SEMA6D: variants seen among roughly 807,000 people sequenced by gnomAD.
The protein encoded by SEMA6D is semaphorin-6D.
In SEMA6D, 35 loss-of-function variants were observed where a neutral mutation model predicts 106.6. That is an observed-to-expected ratio of 0.33 (90% CI 0.25 to 0.44). The LOEUF (loss-of-function observed/expected upper bound fraction) is 0.44, where lower values mean the gene tolerates loss of function less well. Among genes scored for constraint, SEMA6D ranks in the 20% least tolerant of loss-of-function variants. The pLI is 1.00. For missense variants in SEMA6D, 1,185 were observed against 1,345.9 expected, an observed-to-expected ratio of 0.88 and a Z score of 1.87; for synonymous variants, 499 against 487.7, an observed-to-expected ratio of 1.02 and a Z score of -0.31.
intron 2 of SEMA6D, among the ~76,000 whole-genome samples, chr15:47,444,325 G>A (rs1391727139): frequency 6.6e-6 from 1 of 152,080 alleles, no homozygotes; most frequent in African/African-American, 2.4e-5. Flanking sequence ...AGCTAAAATG[G>A]GCAAGGATGA....
At chr15:47,564,622 T>C (rs2046175619) in intron 3 of SEMA6D, among the ~76,000 whole-genome samples, 1 of 152,176 alleles carries the variant, frequency 6.6e-6, no homozygotes, top group Non-Finnish European at 1.5e-5. Flanking sequence ...TACAGGATGC[T>C]AGCCTAGATA....
intron 1 of SEMA6D, among the ~76,000 whole-genome samples, chr15:47,747,925 AGGAT>A (rs1175463867): frequency 6.6e-6 from 1 of 152,252 alleles, no homozygotes; most frequent in Non-Finnish European, 1.5e-5. Flanking sequence ...AGAGTCACAT[AGGAT>A]TCTTCTCTGC....
intron 1 of SEMA6D, among the ~76,000 whole-genome samples, chr15:47,367,207 G>A (rs904841249): frequency 6.6e-6 from 1 of 152,120 alleles, no homozygotes; most frequent in African/African-American, 2.4e-5. Context: ...ATCTTCCTAC[G>A]CTTCTGCTTC....
At chr15:47,615,653 A>G (rs1044898193) in intron 4 of SEMA6D, among the ~76,000 whole-genome samples, 3 of 152,232 alleles carry the variant, frequency 2.0e-5, no homozygotes, top group African/African-American at 7.2e-5. Flanking sequence ...AATGTATTTG[A>G]ATAGTTGGCT....
chr15:47,247,441 A>C (rs139100110), intron 1 of SEMA6D, among the ~76,000 whole-genome samples: 35 of 152,236 alleles, frequency 2.3e-4, no homozygotes, highest in African/African-American at 7.2e-4. Flanking sequence ...GAAAAAAAAA[A>C]CTGTCATCCA....
intron 3 of SEMA6D, among the ~76,000 whole-genome samples, chr15:47,571,819 C>T (rs1019639921): frequency 4.6e-5 from 7 of 152,084 alleles, no homozygotes; most frequent in Admixed American, 2.0e-4. Context: ...TTTGGCTATA[C>T]ATGTGTGTGT....
intron 17 of SEMA6D, chr15:47,767,445 A>G (rs775846049): frequency 3.3e-5 from 6 of 179,494 alleles, no homozygotes; most frequent in Non-Finnish European, 6.9e-5. Context: ...GCGGAATTTC[A>G]TTATTTTCCC....
rs2082051470 is a variant in SEMA6D, at chr15:47,761,354, G to A, written c.370G>A (p.Val124Ile). The A allele has an allele frequency of 1.2e-6, 2 of 1,613,150 alleles. No individual in the cohort carries two copies. The highest frequency in any genetic ancestry group is 1.7e-6 in the Non-Finnish European group (2 of 1,179,608). The part of the protein sequence containing the change: ...HKDECHNFIK[V>I]FVPRNDEMVF... ...GGATGAATGCCACAACTTTATCAAAGTATTTGTTCCAAGAAACGATGAGAT... is the reference window on the plus strand; with the variant it reads ...GGATGAATGCCACAACTTTATCAAAATATTTGTTCCAAGAAACGATGAGAT... Residue 124 changes from valine (V) to isoleucine (I), a missense_variant, in exon 6 of 19, where the codon GTA becomes ATA. Physicochemically the swap from Val to Ile is conservative, Grantham distance 29 (BLOSUM62 3). This residue lies in a region of SEMA6D where 291 missense variants were observed against 423.8 expected (regional missense o/e 0.69). Coordinates refer to ENST00000536845, the MANE Select transcript of SEMA6D (RefSeq NM_001358351.3).
At chr15:47,191,915 G>A (rs1595718630) in intron 1 of SEMA6D, among the ~76,000 whole-genome samples, 1 of 152,170 alleles carries the variant, frequency 6.6e-6, no homozygotes, top group East Asian at 1.9e-4. Flanking sequence ...AGAAAGTCGA[G>A]CAGGAAGTAT....
intron 3 of SEMA6D, among the ~76,000 whole-genome samples, chr15:47,509,167 TAC>T (rs1310204702): frequency 6.6e-6 from 1 of 152,208 alleles, no homozygotes; most frequent in Admixed American, 6.5e-5. Flanking sequence ...ACTTCAGGGC[TAC>T]AGTCTCCTTC....
At chr15:47,678,780 T>C (rs117746900) in intron 4 of SEMA6D, among the ~76,000 whole-genome samples, 1 of 152,146 alleles carries the variant, frequency 6.6e-6, no homozygotes, top group Admixed American at 6.5e-5. Context: ...TTTATATGTA[T>C]GTATTTGTGT....
chr15:47,425,494 G>A (rs1275415555), intron 2 of SEMA6D, among the ~76,000 whole-genome samples: 1 of 151,972 alleles, frequency 6.6e-6, no homozygotes, highest in African/African-American at 2.4e-5. Context: ...ATCCATGTTG[G>A]CCTACAAGGC....
chr15:47,648,246 C>G (rs569861102), intron 4 of SEMA6D, among the ~76,000 whole-genome samples: 1 of 152,276 alleles, frequency 6.6e-6, no homozygotes, highest in South Asian at 2.1e-4. Context: ...CACATTCTCT[C>G]CATGTCTGCA....
intron 1 of SEMA6D, among the ~76,000 whole-genome samples, chr15:47,403,143 A>G (rs1313924668): frequency 2.0e-5 from 3 of 152,206 alleles, no homozygotes; most frequent in Admixed American, 2.0e-4. Flanking sequence ...AAGTGACAAG[A>G]TGCTTTTAAC....
intron 1 of SEMA6D, among the ~76,000 whole-genome samples, chr15:47,743,284 T>C (rs756404935): frequency 3.3e-5 from 5 of 152,242 alleles, no homozygotes; most frequent in Non-Finnish European, 7.3e-5. Context: ...TAATTTAATA[T>C]GTTGGTGCGT....
chr15:47,591,321 C>G (rs2076434494), intron 3 of SEMA6D, among the ~76,000 whole-genome samples: 1 of 152,126 alleles, frequency 6.6e-6, no homozygotes, highest in African/African-American at 2.4e-5. Context: ...GGATTCAGTT[C>G]CAACATTAAA....
chr15:47,486,854 G>A (rs966073741), intron 3 of SEMA6D, among the ~76,000 whole-genome samples: 2 of 152,124 alleles, frequency 1.3e-5, no homozygotes, highest in African/African-American at 4.8e-5. Flanking sequence ...CCCCATACAT[G>A]CTTACCACCT....
At chr15:47,576,357 A>G (rs2076156730) in intron 3 of SEMA6D, among the ~76,000 whole-genome samples, 1 of 152,192 alleles carries the variant, frequency 6.6e-6, no homozygotes, top group Non-Finnish European at 1.5e-5. Context: ...AGTGGGGGCT[A>G]GAGCAGGATC....
intron 1 of SEMA6D, among the ~76,000 whole-genome samples, chr15:47,249,079 T>G (rs2033361727): frequency 6.6e-6 from 1 of 152,018 alleles, no homozygotes; most frequent in African/African-American, 2.4e-5. Flanking sequence ...AATACAAACA[T>G]TAGCCGGCCA....
Sources: allele counts gnomAD v4.1 joint callset (sites outside exome capture counted in the v4.1 genomes callset), GRCh38; gene constraint gnomAD v4.1.1; regional missense constraint gnomAD v4.1.1; transcripts MANE v1.5; gene names NCBI Gene and HGNC (gene_info 2026-07-23, HGNC 2026-07-21).